Variants in PREX2 observed in about 807,000 individuals in gnomAD.
PREX2 encodes the protein phosphatidylinositol-3,4,5-trisphosphate dependent Rac exchange factor 2.
In PREX2, 107 loss-of-function variants were observed where a neutral mutation model predicts 203.2. The observed-to-expected ratio is 0.53, with a 90% confidence interval of 0.45 to 0.62. The LOEUF is 0.62. Ranked by LOEUF, PREX2 falls within the 20% of genes least tolerant of loss-of-function variation. The pLI is 0.00. For missense variants in PREX2, 1,777 were observed against 1,955.9 expected (o/e 0.91, Z 1.72); for synonymous variants, 672 against 663.6 (o/e 1.01, Z -0.19).
chr8:68,065,061 A>G (rs966129887), intron 11 of PREX2, among the ~76,000 whole-genome samples: 3 of 152,206 alleles, frequency 2.0e-5, no homozygotes, highest in Admixed American at 6.5e-5. Flanking sequence ...CCCATTTTCC[A>G]TGCTAGATAA....
chr8:68,047,457 A>T (rs984486478), intron 8 of PREX2, among the ~76,000 whole-genome samples: 3 of 139,250 alleles, frequency 2.2e-5, no homozygotes, highest in Admixed American at 1.6e-4. Context: ...ATAAATAATA[A>T]AATGGATGAA....
Position 68,231,456 on chromosome 8 carries a change from T to G in PREX2, c.*78T>G. 3.9e-6 allele frequency: 4 copies of G among 1,014,578 alleles called. No individual in the cohort carries two copies. The highest frequency in any genetic ancestry group is 1.7e-5 in the South Asian group (1 of 57,626). 62.8% of individuals were successfully genotyped at this position (1,014,578 alleles called of 1,614,324 possible). A position where few individuals can be genotyped will look rare whatever the true frequency, so the allele number is the denominator to read the frequency against. On this transcript the variant is annotated 3_prime_UTR_variant, in exon 40 of 40. Coordinates refer to ENST00000288368, the MANE Select transcript of PREX2 (RefSeq NM_024870.4). ...CAAACTACATGCTGGCTAAACATTC[T>G]CCACTGAAGATACATCAATGCTTTT...
chr8:68,118,579 C>T lies in PREX2; in HGVS notation c.3356C>T (p.Ala1119Val). Residue 1119 changes from alanine to valine, a missense_variant, in exon 27 of 40, where the codon GCC becomes GTC. By Grantham distance (64) the Ala-to-Val change is moderately conservative. Transcript: ENST00000288368. ...SDCNSNRNSI[A>V]SFTSICSSQC... ...TGCAACAGCAATAGGAATTCCATCG[C>T]CTCCTTCACCAGCATCTGCAGCAGC... The T allele has an allele frequency of 1.2e-6, 2 of 1,614,046 alleles. No individual in the cohort carries two copies. Among genetic ancestry groups the T allele is most frequent in the South Asian group, 1.1e-5 (1 of 91,082 alleles).
At chr8:68,105,380 AG>A in intron 23 of PREX2, 1 of 1,358,394 alleles carries the variant, frequency 7.4e-7, no homozygotes, top group Non-Finnish European at 9.8e-7. Flanking sequence ...CCTTTGGAAC[AG>A]TTCAGGCACC....
intron 35 of PREX2, among the ~76,000 whole-genome samples, chr8:68,161,131 G>A (rs1811645095): frequency 6.7e-6 from 1 of 149,484 alleles, no homozygotes; most frequent in Non-Finnish European, 1.5e-5. Context: ...GTCTCCCTTT[G>A]TTGCCCAGGC....
chr8:68,188,541 C>T (rs1327318869), intron 35 of PREX2, among the ~76,000 whole-genome samples: 2 of 152,176 alleles, frequency 1.3e-5, no homozygotes, highest in African/African-American at 2.4e-5. Context: ...TAAAGACATA[C>T]TTGAGACTGG....
At chr8:68,083,427 T>C in intron 18 of PREX2, 39 bp downstream of exon 18, 1 of 1,461,808 alleles carries the variant, frequency 6.8e-7, no homozygotes, top group South Asian at 1.2e-5. Flanking sequence ...TTAAAAGTTA[T>C]ACATAGATAA....
chr8:68,067,857 A>G (rs1356432110), intron 11 of PREX2, among the ~76,000 whole-genome samples: 1 of 152,072 alleles, frequency 6.6e-6, no homozygotes. Flanking sequence ...CTTGTCATAT[A>G]TGATCTTTAT....
chr8:67,996,889 A>C (rs1806783259), intron 1 of PREX2, among the ~76,000 whole-genome samples: 1 of 152,182 alleles, frequency 6.6e-6, no homozygotes, highest in Non-Finnish European at 1.5e-5. Context: ...CATAGTTAAA[A>C]TGATATTTCC....
intron 20 of PREX2, among the ~76,000 whole-genome samples, chr8:68,093,390 CAAAAA>C (rs56001927): frequency 2.1e-4 from 17 of 81,500 alleles, no homozygotes; most frequent in Non-Finnish European, 3.2e-4. Flanking sequence ...AACTCCATCT[CAAAAA>C]AAAAAAAAAA....
intron 35 of PREX2, among the ~76,000 whole-genome samples, chr8:68,180,166 C>CA (rs376765302): frequency 9.5e-4 from 145 of 152,156 alleles, no homozygotes; most frequent in African/African-American, 2.9e-3. Flanking sequence ...ATTCTATGAT[C>CA]AAAATGGGAC....
intron 37 of PREX2, among the ~76,000 whole-genome samples, chr8:68,202,158 C>T (rs532405196): frequency 1.1e-4 from 16 of 152,198 alleles, no homozygotes; most frequent in African/African-American, 3.9e-4. Flanking sequence ...CCTCGGCCTC[C>T]CAAAGTGCTG....
At chr8:68,020,688 G>A (rs1411986160) in intron 3 of PREX2, among the ~76,000 whole-genome samples, 2 of 152,074 alleles carry the variant, frequency 1.3e-5, no homozygotes, top group Non-Finnish European at 2.9e-5. Flanking sequence ...TGGAAGCCAC[G>A]GGTGTTTGTG....
chr8:68,144,829 T>A (rs1811294297), intron 33 of PREX2, among the ~76,000 whole-genome samples: 2 of 152,202 alleles, frequency 1.3e-5, no homozygotes, highest in South Asian at 4.1e-4. Flanking sequence ...CATTAAGTTT[T>A]AGTTCCTTGA....
At chr8:68,138,657 C>A in intron 33 of PREX2, 140 bp downstream of exon 33, 1 of 494,730 alleles carries the variant, frequency 2.0e-6, no homozygotes. Context: ...TTTTCCATCA[C>A]TAATCTGACA....
At chr8:67,962,782 A>C (rs1805668338) in intron 1 of PREX2, among the ~76,000 whole-genome samples, 1 of 151,342 alleles carries the variant, frequency 6.6e-6, no homozygotes, top group Admixed American at 6.6e-5. Context: ...AATTTTTTGT[A>C]TTTTTAATGG....
chr8:68,039,839 G>A (rs1808142033), intron 7 of PREX2, among the ~76,000 whole-genome samples: 1 of 151,942 alleles, frequency 6.6e-6, no homozygotes, highest in Non-Finnish European at 1.5e-5. Context: ...TTACTACTCT[G>A]CTCCAGGCCA....
At chr8:68,194,068 T>C (rs922852593) in intron 37 of PREX2, among the ~76,000 whole-genome samples, 3 of 152,240 alleles carry the variant, frequency 2.0e-5, no homozygotes, top group African/African-American at 7.2e-5. Context: ...TGTATCTGAG[T>C]GGATCAAAGC....
intron 1 of PREX2, among the ~76,000 whole-genome samples, chr8:67,989,346 A>C (rs891957260): frequency 6.6e-6 from 1 of 152,262 alleles, no homozygotes; most frequent in East Asian, 1.9e-4. Flanking sequence ...TTTTAAATGT[A>C]TTTTTAAAAC....
Sources: gnomAD v4.1 joint callset for allele counts (sites outside exome capture counted in the v4.1 genomes callset) on GRCh38, gnomAD v4.1.1 for gene constraint, MANE v1.5 for transcripts, NCBI Gene and HGNC (gene_info 2026-07-23, HGNC 2026-07-21) for gene names.